The following CHRM3 variants were observed in gnomAD, a reference collection of about 807,000 sequenced individuals.
CHRM3 encodes cholinergic receptor muscarinic 3, also known as muscarinic acetylcholine receptor M3.
Under a neutral mutation model 41.8 loss-of-function variants are expected in CHRM3, and 11 were observed. The observed-to-expected ratio is 0.26, with a 90% CI of 0.17 to 0.44. The LOEUF (loss-of-function observed/expected upper bound fraction) is 0.44, where lower values mean the gene tolerates loss of function less well. Ranked by LOEUF, CHRM3 falls within the 20% of genes least tolerant of loss-of-function variation. CHRM3 has a pLI of 1.00. For missense variants in CHRM3, 571 were observed against 745.4 expected, an observed-to-expected ratio of 0.77 and a Z score of 2.72; for synonymous variants, 297 against 301.4, an observed-to-expected ratio of 0.99 and a Z score of 0.15.
chr1:239,560,260 T>C (rs563489440), intron 3 of CHRM3, among the ~76,000 whole-genome samples: 1 of 152,304 alleles, frequency 6.6e-6, no homozygotes, highest in Admixed American at 6.5e-5. Flanking sequence ...GCTACATCTT[T>C]CTTTAGTGTC....
chr1:239,663,492 T>A (rs1005371996), intron 4 of CHRM3, among the ~76,000 whole-genome samples: 4 of 152,176 alleles, frequency 2.6e-5, no homozygotes, highest in African/African-American at 9.6e-5. Flanking sequence ...GTCGATGGGA[T>A]GGAGTCCTAA....
chr1:239,537,481 C>T (rs576352127), intron 2 of CHRM3, among the ~76,000 whole-genome samples: 1 of 152,102 alleles, frequency 6.6e-6, no homozygotes, highest in South Asian at 2.1e-4. Flanking sequence ...GGGATCCGCC[C>T]CCATGAACCA....
intron 5 of CHRM3, among the ~76,000 whole-genome samples, chr1:239,742,113 T>C (rs1396916272): frequency 6.6e-6 from 1 of 152,196 alleles, no homozygotes; most frequent in African/African-American, 2.4e-5. Flanking sequence ...TCCTTCTCTG[T>C]TCCTATAGCT....
At chr1:239,711,123 T>C (rs1187243070) in intron 5 of CHRM3, among the ~76,000 whole-genome samples, 1 of 151,850 alleles carries the variant, frequency 6.6e-6, no homozygotes, top group East Asian at 1.9e-4. Flanking sequence ...GTGGCACAGA[T>C]GAGATTCCTT....
chr1:239,763,960 G>A (rs1393579803), intron 5 of CHRM3, among the ~76,000 whole-genome samples: 1 of 151,666 alleles, frequency 6.6e-6, no homozygotes, highest in African/African-American at 2.4e-5. Flanking sequence ...GCATGGTGTG[G>A]ACATGCCTGT....
intron 6 of CHRM3, among the ~76,000 whole-genome samples, chr1:239,870,343 G>C (rs1018091723): frequency 6.6e-6 from 1 of 152,176 alleles, no homozygotes; most frequent in African/African-American, 2.4e-5. Context: ...AACCCTTCCA[G>C]GCAGCGAGGA....
intron 2 of CHRM3, among the ~76,000 whole-genome samples, chr1:239,532,172 C>A (rs1302214051): frequency 6.8e-6 from 1 of 148,042 alleles, no homozygotes; most frequent in Non-Finnish European, 1.5e-5. Flanking sequence ...CCACCACGCC[C>A]GGCTAATTAT....
intron 6 of CHRM3, among the ~76,000 whole-genome samples, chr1:239,864,615 A>T (rs1675936035): frequency 6.6e-6 from 1 of 151,942 alleles, no homozygotes; most frequent in Non-Finnish European, 1.5e-5. Context: ...TAACCCTCAA[A>T]CTAGCATCGG....
intron 2 of CHRM3, among the ~76,000 whole-genome samples, chr1:239,506,331 G>A (rs558211528): frequency 1.6e-4 from 24 of 152,216 alleles, no homozygotes; most frequent in Middle Eastern, 3.4e-3. Context: ...GGCCTGCTCT[G>A]TGCAGCCTAG....
intron 1 of CHRM3, among the ~76,000 whole-genome samples, chr1:239,467,715 CTA>C (rs1300694133): frequency 2.6e-5 from 4 of 152,124 alleles, no homozygotes; most frequent in Admixed American, 1.3e-4. Context: ...AAGTGCACAG[CTA>C]TAGTGCTGTC....
At chr1:239,782,776 T>C (rs626694) in intron 5 of CHRM3, among the ~76,000 whole-genome samples, 128,115 of 151,888 alleles carry the variant, frequency 0.84, 54,200 homozygotes, top group East Asian at 0.87. Context: ...CAGCACTAGT[T>C]TTGCTGCACC....
intron 1 of CHRM3, among the ~76,000 whole-genome samples, chr1:239,410,631 G>A (rs1211127692): frequency 6.6e-6 from 1 of 152,170 alleles, no homozygotes; most frequent in South Asian, 2.1e-4. Context: ...CTCCCGTATG[G>A]ATTCCTCTCT....
intron 2 of CHRM3, among the ~76,000 whole-genome samples, chr1:239,512,993 T>G (rs547830735): frequency 2.6e-5 from 4 of 152,314 alleles, no homozygotes; most frequent in African/African-American, 9.6e-5. Flanking sequence ...TATGTTCTCA[T>G]GCACTACTCC....
At chr1:239,703,950 G>A (rs1660911663) in intron 5 of CHRM3, 1 of 152,186 alleles carries the variant, frequency 6.6e-6, no homozygotes, top group South Asian at 2.1e-4. Flanking sequence ...TCATTTTTAT[G>A]TCAAGTTTGA....
chr1:239,728,756 C>CA (rs1558491912), intron 5 of CHRM3, among the ~76,000 whole-genome samples: 1 of 151,932 alleles, frequency 6.6e-6, no homozygotes, highest in African/African-American at 2.4e-5. Context: ...ACCTTTTTGT[C>CA]AAAGAGTCTC....
intron 3 of CHRM3, among the ~76,000 whole-genome samples, chr1:239,595,617 GC>G (rs1193778491): frequency 6.6e-6 from 1 of 152,060 alleles, no homozygotes; most frequent in African/African-American, 2.4e-5. Context: ...AATTTGCCAA[GC>G]CTGTGAGATT....
At chr1:239,500,131 G>C (rs79649704) in intron 2 of CHRM3, among the ~76,000 whole-genome samples, 27 of 152,146 alleles carry the variant, frequency 1.8e-4, no homozygotes, top group East Asian at 9.7e-4. Context: ...TAGCATGAAG[G>C]GTTGTTGAAT....
intron 2 of CHRM3, among the ~76,000 whole-genome samples, chr1:239,535,330 G>T (rs556772882): frequency 6.6e-6 from 1 of 151,752 alleles, no homozygotes; most frequent in African/African-American, 2.4e-5. Flanking sequence ...CATACCTAAC[G>T]CAAAAACCTC....
intron 3 of CHRM3, among the ~76,000 whole-genome samples, chr1:239,556,343 A>T (rs1418882704): frequency 2.0e-5 from 3 of 152,208 alleles, no homozygotes; most frequent in African/African-American, 4.8e-5. Flanking sequence ...TAGCTTTTTT[A>T]AAAAATATAT....
Sources: gnomAD v4.1 joint callset for allele counts (sites outside exome capture counted in the v4.1 genomes callset) on GRCh38, gnomAD v4.1.1 for gene constraint, MANE v1.5 for transcripts, NCBI Gene and HGNC (gene_info 2026-07-23, HGNC 2026-07-21) for gene names.